NLGN1: variants seen among roughly 807,000 people sequenced by gnomAD.
The protein encoded by NLGN1 is neuroligin-1.
In NLGN1, 12 loss-of-function variants were observed where a neutral mutation model predicts 65.5. That is an observed-to-expected ratio of 0.18 (90% confidence interval 0.12 to 0.30). The LOEUF (loss-of-function observed/expected upper bound fraction) is 0.30. NLGN1 is among the 10% of genes least tolerant of loss of function. The pLI is 1.00. For missense variants in NLGN1, 750 were observed against 1,007.1 expected (o/e 0.74, Z 3.46); for synonymous variants, 350 against 359.5 (o/e 0.97, Z 0.30).
chr3:173,767,946 T>C (rs1779013711), intron 3 of NLGN1, among the ~76,000 whole-genome samples: 1 of 152,118 alleles, frequency 6.6e-6, no homozygotes, highest in African/African-American at 2.4e-5. Flanking sequence ...TTATAATTTT[T>C]AACAATTTCC....
chr3:173,956,482 A>G (rs1460134261), intron 4 of NLGN1, among the ~76,000 whole-genome samples: 1 of 152,090 alleles, frequency 6.6e-6, no homozygotes, highest in South Asian at 2.1e-4. Flanking sequence ...AGTTATTGCT[A>G]TCATGAAAAA....
At chr3:174,052,571 G>A (rs1406917810) in intron 4 of NLGN1, among the ~76,000 whole-genome samples, 1 of 151,846 alleles carries the variant, frequency 6.6e-6, no homozygotes, top group Non-Finnish European at 1.5e-5. Flanking sequence ...TGATATACAA[G>A]TATATTTAAA....
chr3:173,629,672 A>G (rs760938283), intron 3 of NLGN1, among the ~76,000 whole-genome samples: 1 of 152,100 alleles, frequency 6.6e-6, no homozygotes, highest in Non-Finnish European at 1.5e-5. Context: ...GTTGTATATC[A>G]AGTTTCTATT....
At chr3:173,991,492 C>T (rs548751793) in intron 4 of NLGN1, among the ~76,000 whole-genome samples, 2 of 152,002 alleles carry the variant, frequency 1.3e-5, no homozygotes, top group Admixed American at 6.6e-5. Context: ...TCTTCCCTGT[C>T]GAATAGAATG....
intron 4 of NLGN1, among the ~76,000 whole-genome samples, chr3:173,864,248 ATAT>A (rs774507290): frequency 1.3e-5 from 2 of 152,168 alleles, no homozygotes; most frequent in Non-Finnish European, 2.9e-5. Flanking sequence ...TATAAGTAAC[ATAT>A]TATAAATTTG....
At chr3:174,082,412 A>G (rs903734676) in intron 4 of NLGN1, among the ~76,000 whole-genome samples, 5 of 152,106 alleles carry the variant, frequency 3.3e-5, no homozygotes, top group African/African-American at 1.2e-4. Context: ...GGGCTTATTA[A>G]CACTAGCTTT....
intron 3 of NLGN1, among the ~76,000 whole-genome samples, chr3:173,700,239 C>T (rs79321219): frequency 0.049 from 7,409 of 152,172 alleles, 252 homozygotes; most frequent in African/African-American, 0.091. Flanking sequence ...AGAAATGCTC[C>T]ATTTTCTTAC....
intron 3 of NLGN1, among the ~76,000 whole-genome samples, chr3:173,789,523 G>T (rs1250392287): frequency 6.6e-6 from 1 of 152,162 alleles, no homozygotes; most frequent in Non-Finnish European, 1.5e-5. Flanking sequence ...CACAGCCAAA[G>T]AAATGAAGGC....
chr3:173,679,141 T>TA (rs1763587269), intron 3 of NLGN1, among the ~76,000 whole-genome samples: 1 of 147,790 alleles, frequency 6.8e-6, no homozygotes, highest in Non-Finnish European at 1.5e-5. Flanking sequence ...AAAAAAAAAG[T>TA]AAAAAAGTAC....
chr3:173,809,243 T>C (rs1450444689), intron 4 of NLGN1, among the ~76,000 whole-genome samples: 2 of 152,164 alleles, frequency 1.3e-5, no homozygotes, highest in Non-Finnish European at 2.9e-5. Context: ...GAAAACTCTG[T>C]GTATTTAAGA....
intron 4 of NLGN1, among the ~76,000 whole-genome samples, chr3:174,133,848 A>G (rs1720670737): frequency 6.6e-6 from 1 of 150,934 alleles, no homozygotes; most frequent in African/African-American, 2.4e-5. Flanking sequence ...ATCATACAAA[A>G]CAAGATGTGC....
chr3:173,970,165 T>C (rs770351013), intron 4 of NLGN1, among the ~76,000 whole-genome samples: 1 of 152,176 alleles, frequency 6.6e-6, no homozygotes, highest in Non-Finnish European at 1.5e-5. Context: ...AAACAAGTCC[T>C]TTAGTCTATT....
chr3:173,614,928 G>C (rs1427427519), intron 3 of NLGN1, among the ~76,000 whole-genome samples: 1 of 152,048 alleles, frequency 6.6e-6, no homozygotes, highest in African/African-American at 2.4e-5. Flanking sequence ...AGTGAAAATG[G>C]AAATATTTAT....
intron 4 of NLGN1, among the ~76,000 whole-genome samples, chr3:173,857,368 C>T (rs1728196223): frequency 6.6e-6 from 1 of 152,122 alleles, no homozygotes; most frequent in South Asian, 2.1e-4. Context: ...ATATCCCCAG[C>T]TTCATGGTTT....
intron 3 of NLGN1, among the ~76,000 whole-genome samples, chr3:173,685,206 T>G (rs138261270): frequency 6.6e-5 from 10 of 152,264 alleles, no homozygotes; most frequent in African/African-American, 2.2e-4. Flanking sequence ...AATAAGTTGC[T>G]CCCAATATTA....
intron 3 of NLGN1, among the ~76,000 whole-genome samples, chr3:173,623,372 G>T (rs1754324518): frequency 6.6e-6 from 1 of 151,974 alleles, no homozygotes; most frequent in Non-Finnish European, 1.5e-5. Context: ...AAAACAGATT[G>T]TTGGAGAGTT....
chr3:173,531,198 CTAT>C (rs1383033270), intron 2 of NLGN1, among the ~76,000 whole-genome samples: 1 of 151,836 alleles, frequency 6.6e-6, no homozygotes, highest in Non-Finnish European at 1.5e-5. Context: ...CTTTTTATTG[CTAT>C]TATTTCCTCA....
intron 4 of NLGN1, among the ~76,000 whole-genome samples, chr3:173,815,085 T>TTTCC (rs974872622): frequency 2.0e-5 from 3 of 150,928 alleles, no homozygotes; most frequent in Admixed American, 1.3e-4. Context: ...TCGTTCCTTC[T>TTTCC]TTCCTTCCTT....
chr3:174,208,651 G>A (rs1200472773), intron 4 of NLGN1, among the ~76,000 whole-genome samples: 1 of 126,914 alleles, frequency 7.9e-6, no homozygotes, highest in African/African-American at 3.3e-5. Flanking sequence ...TTGCAAGATA[G>A]CGCCATTATA....
Sources: allele counts gnomAD v4.1 joint callset (sites outside exome capture counted in the v4.1 genomes callset), GRCh38; gene constraint gnomAD v4.1.1; transcripts MANE v1.5; gene names NCBI Gene and HGNC (gene_info 2026-07-23, HGNC 2026-07-21).